Variants in PCDH15 observed in about 807,000 individuals in gnomAD.
The protein encoded by PCDH15 is protocadherin-15.
In PCDH15, 129 loss-of-function variants were observed where a neutral mutation model predicts 178.5. The ratio of observed to expected loss-of-function variants is 0.72; its 90% CI spans 0.63 to 0.84. The LOEUF (loss-of-function observed/expected upper bound fraction) is 0.84, where lower values mean the gene tolerates loss of function less well. Among genes scored for constraint, PCDH15 ranks in the 40% least tolerant of loss-of-function variants. PCDH15 has a pLI of 0.00. For synonymous variants in PCDH15, 800 were observed against 732.0 expected (o/e 1.09, Z -1.50); for missense variants, 2,230 against 2,099.9 (o/e 1.06, Z -1.21).
At chr10:55,134,962 G>A (rs181867944) in intron 2 of PCDH15, among the ~76,000 whole-genome samples, 4 of 152,092 alleles carry the variant, frequency 2.6e-5, no homozygotes, top group African/African-American at 9.7e-5. Flanking sequence ...TAATAAAAAT[G>A]AGCTTCAACA....
intron 1 of PCDH15, among the ~76,000 whole-genome samples, chr10:54,715,348 C>A (rs1180770214): frequency 6.6e-6 from 1 of 150,882 alleles, no homozygotes; most frequent in East Asian, 2.0e-4. Context: ...GTAGATTGGT[C>A]TTGTTAAATC....
intron 2 of PCDH15, among the ~76,000 whole-genome samples, chr10:55,371,024 C>G (rs1845495429): frequency 6.6e-6 from 1 of 152,130 alleles, no homozygotes; most frequent in East Asian, 1.9e-4. Flanking sequence ...GAAGACAAGG[C>G]CAATCTTTTC....
intron 28 of PCDH15, among the ~76,000 whole-genome samples, chr10:53,844,193 G>A (rs2077831498): frequency 6.6e-6 from 1 of 151,978 alleles, no homozygotes; most frequent in African/African-American, 2.4e-5. Context: ...TTTTTGTTCT[G>A]AGTGAGATAA....
At chr10:53,866,146 G>C (rs2079435372) in intron 27 of PCDH15, among the ~76,000 whole-genome samples, 1 of 152,056 alleles carries the variant, frequency 6.6e-6, no homozygotes, top group African/African-American at 2.4e-5. Flanking sequence ...AATTTTGATA[G>C]AACAAAGAAA....
chr10:55,415,811 A>G (rs879682434), intron 2 of PCDH15, among the ~76,000 whole-genome samples: 1 of 151,798 alleles, frequency 6.6e-6, no homozygotes, highest in South Asian at 2.1e-4. Flanking sequence ...GGGAAGACTG[A>G]GGTACCCATT....
At position 54,501,089 on chromosome 10, in the gene PCDH15, G is replaced by T. The variant is rs183740805; in HGVS notation, c.157+26723C>A. ...AACATCACACAATGGGGCCTGTCAG[G>T]GGGTGGGAGGCAAGGGAAGGGATAG... is the stretch of plus-strand genomic sequence containing the variant. On this transcript the variant is annotated intron_variant, in intron 3 of 37. Transcript: ENST00000644397. Among the ~76,000 whole-genome samples, 33 of 152,110 alleles carry T rather than the reference G, an allele frequency of 2.2e-4. No homozygotes were observed. In the South Asian group the frequency reaches 2.7e-3, roughly 12 times the overall value.
intron 2 of PCDH15, among the ~76,000 whole-genome samples, chr10:55,326,584 A>G (rs951325677): frequency 6.6e-6 from 1 of 152,164 alleles, no homozygotes; most frequent in Non-Finnish European, 1.5e-5. Flanking sequence ...TGAAACTGCA[A>G]TTTAATACAT....
chr10:55,298,242 T>C (rs1241243563), intron 1 of PCDH15, among the ~76,000 whole-genome samples: 1 of 152,184 alleles, frequency 6.6e-6, no homozygotes, highest in African/African-American at 2.4e-5. Flanking sequence ...AAGCACAATA[T>C]ACTTCAAACA....
intron 6 of PCDH15, among the ~76,000 whole-genome samples, chr10:54,334,682 A>AACACAC (rs3069761): frequency 0.21 from 31,382 of 149,852 alleles, 4,358 homozygotes; most frequent in East Asian, 0.66. Context: ...ATTTCTAAAG[A>AACACAC]ACACACACAC....
At chr10:54,311,824 C>T (rs955385762) in intron 8 of PCDH15, among the ~76,000 whole-genome samples, 3 of 151,996 alleles carry the variant, frequency 2.0e-5, no homozygotes, top group Admixed American at 1.3e-4. Flanking sequence ...TATTTCTAAA[C>T]AAGTGACTTT....
At chr10:54,131,498 A>G (rs928535931) in intron 15 of PCDH15, among the ~76,000 whole-genome samples, 3 of 151,836 alleles carry the variant, frequency 2.0e-5, no homozygotes, top group Admixed American at 6.6e-5. Flanking sequence ...TCCTAAAGAG[A>G]CTGTAGGTTT....
intron 2 of PCDH15, among the ~76,000 whole-genome samples, chr10:54,956,207 G>C (rs74138828): frequency 6.6e-6 from 1 of 151,086 alleles, no homozygotes; most frequent in South Asian, 2.1e-4. Context: ...GACCACATAA[G>C]TATTGTGTAT....
At position 54,236,950 on chromosome 10, in the gene PCDH15, G is replaced by T. The variant is rs904953739; in HGVS notation, c.877-19C>A. 1 of 1,581,298 alleles carries T rather than the reference G, an allele frequency of 6.3e-7. No homozygotes were observed. Reference sequence around the variant, plus strand: ...GTTCTTCCTGAAAAAAAAATTAAGAGAGTTTCATTCAGCCGCATTACTAAT... The same window carrying T: ...GTTCTTCCTGAAAAAAAAATTAAGATAGTTTCATTCAGCCGCATTACTAAT... On this transcript the variant is annotated intron_variant, in intron 8 of 37. Transcript: ENST00000644397.
At chr10:55,174,107 A>G (rs1008919973) in intron 1 of PCDH15, among the ~76,000 whole-genome samples, 1 of 152,218 alleles carries the variant, frequency 6.6e-6, no homozygotes, top group Non-Finnish European at 1.5e-5. Flanking sequence ...TTGTATAACT[A>G]TTCTTCATTA....
At chr10:55,566,457 G>T (rs1386322905) in intron 2 of PCDH15, among the ~76,000 whole-genome samples, 3 of 151,340 alleles carry the variant, frequency 2.0e-5, no homozygotes, top group Non-Finnish European at 4.4e-5. Flanking sequence ...AAAAGATCTG[G>T]CTAGAAAAAA....
chr10:55,101,696 T>A (rs1842581202), intron 2 of PCDH15, among the ~76,000 whole-genome samples: 1 of 151,544 alleles, frequency 6.6e-6, no homozygotes, highest in Non-Finnish European at 1.5e-5. Flanking sequence ...CATTTAAAAA[T>A]ACAATGTGAT....
intron 26 of PCDH15, among the ~76,000 whole-genome samples, chr10:53,898,067 T>C (rs939147470): frequency 6.1e-5 from 9 of 147,840 alleles, no homozygotes; most frequent in East Asian, 2.1e-4. Context: ...CCTGGGTTCA[T>C]GCCAATCTCC....
rs577627057 is a variant in PCDH15 at position 54,106,654 on chromosome 10, G to A, written c.1918-16591C>T. 3.9e-5 allele frequency among the ~76,000 whole-genome samples: 6 copies of A among 152,286 alleles called. No homozygotes were observed. The South Asian group carries it at 1.2e-3, about 32-fold the overall frequency. ...ACTTGCTTCAAGTGGTATAGGATTA[G>A]ACAATTAGGTTCGTACAATATGAAG... On this transcript the variant is annotated intron_variant, in intron 15 of 37. Transcript: ENST00000644397.
upstream of PCDH15, among the ~76,000 whole-genome samples, chr10:55,322,816 A>C (rs1415695655): frequency 6.6e-6 from 1 of 151,224 alleles, no homozygotes; most frequent in Non-Finnish European, 1.5e-5. Flanking sequence ...GGGGGGGAGA[A>C]ATTCAAGCAA....
Sources: allele counts gnomAD v4.1 joint callset (sites outside exome capture counted in the v4.1 genomes callset), GRCh38; gene constraint gnomAD v4.1.1; transcripts MANE v1.5; gene names NCBI Gene and HGNC (gene_info 2026-07-23, HGNC 2026-07-21).